The following CDH13 variants were observed in gnomAD, a reference collection of about 807,000 sequenced individuals.
CDH13 encodes cadherin 13, also known as cadherin-13.
A neutral mutation model predicts 63.8 loss-of-function variants in CDH13; 24 were observed. That is an observed-to-expected ratio of 0.38 (90% CI 0.27 to 0.53). The LOEUF (loss-of-function observed/expected upper bound fraction) is 0.53, where lower values mean the gene tolerates loss of function less well. CDH13 is among the 20% of genes least tolerant of loss of function. CDH13 has a pLI of 0.85. For synonymous variants in CDH13, 503 were observed against 355.3 expected, an observed-to-expected ratio of 1.42 and a Z score of -4.67; for missense variants, 1,049 against 903.1, an observed-to-expected ratio of 1.16 and a Z score of -2.07.
At chr16:83,087,621 C>G (rs1418269482) in intron 3 of CDH13, among the ~76,000 whole-genome samples, 2 of 136,096 alleles carry the variant, frequency 1.5e-5, no homozygotes, top group Non-Finnish European at 3.0e-5. Flanking sequence ...CGAGCCAAAA[C>G]CGTGTCATTG....
At position 83,602,550 on chromosome 16, in the gene CDH13, A is replaced by G; in HGVS notation, c.1057A>G (p.Ile353Val). The change falls in exon 8 of 14, where the codon ATC (isoleucine) becomes GTC (valine). Residue 353 changes from isoleucine to valine, a missense_variant. Ile to Val is a conservative substitution (Grantham distance 29). Coordinates refer to ENST00000567109, the MANE Select transcript of CDH13 (RefSeq NM_001257.5). The part of the protein sequence containing the change: ...LTGTATATIM[I>V]DDKNDHSPKF... ...AGGCACGGCCACAGCCACGATCATG[A>G]TCGATGACAAAAATGATCACTCACC... 6.2e-7 allele frequency: 1 copy of G among 1,614,014 alleles called. No individual in the cohort carries two copies. Among genetic ancestry groups the G allele is most frequent in the East Asian group, 2.2e-5 (1 of 44,892 alleles).
intron 3 of CDH13, among the ~76,000 whole-genome samples, chr16:83,096,589 G>C (rs1159386354): frequency 6.6e-6 from 1 of 152,192 alleles, no homozygotes; most frequent in Admixed American, 6.5e-5. Context: ...TATCTCTGCT[G>C]AACGCAAATT....
chr16:82,777,451 G>A (rs2035550383), intron 1 of CDH13, among the ~76,000 whole-genome samples: 1 of 152,218 alleles, frequency 6.6e-6, no homozygotes, highest in South Asian at 2.1e-4. Context: ...TGGTCTTTGT[G>A]AATGGTGCCT....
chr16:83,472,655 G>T (rs753716797), intron 6 of CDH13, among the ~76,000 whole-genome samples: 1 of 152,192 alleles, frequency 6.6e-6, no homozygotes. Flanking sequence ...TCTAAGAGAA[G>T]AACATTGCAA....
chr16:83,227,625 T>A (rs974333334), intron 5 of CDH13, among the ~76,000 whole-genome samples: 1 of 152,160 alleles, frequency 6.6e-6, no homozygotes, highest in Non-Finnish European at 1.5e-5. Flanking sequence ...GCTCTGGATA[T>A]GAAATACGGA....
intron 2 of CDH13, among the ~76,000 whole-genome samples, chr16:82,961,793 A>G (rs2030236478): frequency 6.6e-6 from 1 of 152,090 alleles, no homozygotes; most frequent in South Asian, 2.1e-4. Flanking sequence ...GCAGAGGATA[A>G]AAGGAAATGT....
rs75807524 is a variant in CDH13 at position 83,056,511 on chromosome 16, A to G, written c.366+24293A>G. On this transcript the variant is annotated intron_variant, in intron 3 of 13. Coordinates refer to ENST00000567109, the MANE Select transcript of CDH13 (RefSeq NM_001257.5). ...TATGCTCAAAAATATGGATAAACTTAATAGGCATAACATTGCATGAAAGAA... is the reference window on the plus strand; with the variant it reads ...TATGCTCAAAAATATGGATAAACTTGATAGGCATAACATTGCATGAAAGAA... Among the ~76,000 whole-genome samples the G allele has an allele frequency of 7.2e-3, 1,097 of 152,340 alleles. 18 individuals are homozygous for G. Among genetic ancestry groups the G allele is most frequent in the African/African-American group, 0.025 (1,054 of 41,580 alleles).
chr16:83,483,228 G>A (rs560784849), intron 6 of CDH13, among the ~76,000 whole-genome samples: 23 of 152,254 alleles, frequency 1.5e-4, no homozygotes, highest in African/African-American at 4.8e-4. Flanking sequence ...CCTCAGAGGC[G>A]CGATTTCCTC....
intron 5 of CDH13, among the ~76,000 whole-genome samples, chr16:83,312,030 G>T (rs906174082): frequency 7.4e-6 from 1 of 135,622 alleles, no homozygotes. Flanking sequence ...CTGAGATTGT[G>T]CATTGCACTC....
intron 1 of CDH13, among the ~76,000 whole-genome samples, chr16:82,754,362 A>G (rs563949601): frequency 6.6e-6 from 1 of 152,308 alleles, no homozygotes; most frequent in South Asian, 2.1e-4. Context: ...TAACCGAATG[A>G]ATGCCACCAG....
chr16:82,814,088 A>G (rs1175863472), intron 1 of CDH13, among the ~76,000 whole-genome samples: 1 of 152,130 alleles, frequency 6.6e-6, no homozygotes, highest in East Asian at 1.9e-4. Context: ...TGGATATACC[A>G]AAGTGCCTGG....
intron 7 of CDH13, among the ~76,000 whole-genome samples, chr16:83,562,474 T>A (rs901884159): frequency 2.0e-5 from 3 of 152,224 alleles, no homozygotes; most frequent in African/African-American, 4.8e-5. Flanking sequence ...ATTCTATGTA[T>A]TTTTAGATGT....
chr16:83,569,584 T>A (rs1459007270), intron 7 of CDH13, among the ~76,000 whole-genome samples: 1 of 152,210 alleles, frequency 6.6e-6, no homozygotes, highest in Non-Finnish European at 1.5e-5. Flanking sequence ...CAGGCTCAAT[T>A]GTGAAATCCC....
At chr16:83,566,344 G>T (rs1298758083) in intron 7 of CDH13, among the ~76,000 whole-genome samples, 1 of 152,166 alleles carries the variant, frequency 6.6e-6, no homozygotes, top group Non-Finnish European at 1.5e-5. Context: ...CCAACATGGG[G>T]CAGGGGTGGC....
At chr16:83,552,119 C>T (rs1035273569) in intron 7 of CDH13, among the ~76,000 whole-genome samples, 2 of 152,182 alleles carry the variant, frequency 1.3e-5, no homozygotes, top group African/African-American at 2.4e-5. Flanking sequence ...ATGGCCCTGT[C>T]CAGGGAAGGC....
intron 1 of CDH13, among the ~76,000 whole-genome samples, chr16:82,639,886 CTG>C (rs150936255): frequency 5.8e-4 from 88 of 152,368 alleles, no homozygotes; most frequent in African/African-American, 2.0e-3. Flanking sequence ...GTCCTCACCA[CTG>C]TGTGCACCGT....
intron 2 of CDH13, among the ~76,000 whole-genome samples, chr16:82,973,415 C>T (rs558011705): frequency 2.6e-5 from 4 of 152,310 alleles, no homozygotes; most frequent in Admixed American, 6.5e-5. Flanking sequence ...ATATGAGACA[C>T]CCGCTCCAGA....
chr16:82,670,340 C>A (rs1013269824), intron 1 of CDH13, among the ~76,000 whole-genome samples: 2 of 152,188 alleles, frequency 1.3e-5, no homozygotes, highest in African/African-American at 4.8e-5. Flanking sequence ...CAATTTAGAG[C>A]GATTTCTTTC....
chr16:83,136,445 C>A (rs1264863242), intron 4 of CDH13, among the ~76,000 whole-genome samples: 1 of 148,260 alleles, frequency 6.7e-6, no homozygotes, highest in Non-Finnish European at 1.5e-5. Context: ...GAGATCGCTC[C>A]ACTGCACTCC....
Sources: gnomAD v4.1 joint callset for allele counts (sites outside exome capture counted in the v4.1 genomes callset) on GRCh38, gnomAD v4.1.1 for gene constraint, MANE v1.5 for transcripts, NCBI Gene and HGNC (gene_info 2026-07-23, HGNC 2026-07-21) for gene names.